LUZP2: variants seen among roughly 807,000 people sequenced by gnomAD.
LUZP2 encodes leucine zipper protein 2.
In LUZP2, 52 loss-of-function variants were observed where a neutral mutation model predicts 51.6. That is an observed-to-expected ratio of 1.01 (90% CI 0.81 to 1.27). LUZP2 has a LOEUF of 1.27. Ranked by LOEUF, LUZP2 falls within the 50% of genes most tolerant of loss-of-function variation. The pLI, the probability that LUZP2 is intolerant of heterozygous loss-of-function variation, is 0.00. For missense variants in LUZP2, 436 were observed against 395.4 expected (o/e 1.10, Z -0.87); for synonymous variants, 154 against 137.3 (o/e 1.12, Z -0.85).
intron 7 of LUZP2, among the ~76,000 whole-genome samples, chr11:24,927,292 G>C (rs1274340711): frequency 1.3e-5 from 2 of 151,880 alleles, no homozygotes; most frequent in Non-Finnish European, 2.9e-5. Context: ...CTTTGTTTTT[G>C]TTGCATTTGC....
intron 1 of LUZP2, among the ~76,000 whole-genome samples, chr11:24,700,729 G>A (rs1278561156): frequency 1.3e-5 from 2 of 152,100 alleles, no homozygotes; most frequent in Non-Finnish European, 2.9e-5. Context: ...TTTTATGAAA[G>A]AATGGGAGCT....
chr11:24,722,625 T>C (rs1303726729), intron 1 of LUZP2, among the ~76,000 whole-genome samples: 1 of 152,022 alleles, frequency 6.6e-6, no homozygotes, highest in African/African-American at 2.4e-5. Context: ...ATTAAGAGAT[T>C]GAAAATTCAG....
intron 1 of LUZP2, among the ~76,000 whole-genome samples, chr11:24,643,713 C>T (rs72880677): frequency 0.029 from 4,339 of 152,166 alleles, 92 homozygotes; most frequent in South Asian, 0.11. Context: ...TTAGTTGCAT[C>T]GTCTTTAATT....
chr11:24,800,473 A>G (rs903624330), intron 5 of LUZP2, among the ~76,000 whole-genome samples: 1 of 151,356 alleles, frequency 6.6e-6, no homozygotes, highest in Non-Finnish European at 1.5e-5. Context: ...CTATATAAGC[A>G]TGTTCAGAGA....
chr11:25,013,064 A>C (rs1190173101), intron 9 of LUZP2, among the ~76,000 whole-genome samples: 1 of 152,226 alleles, frequency 6.6e-6, no homozygotes, highest in Non-Finnish European at 1.5e-5. Context: ...AAATAACGTC[A>C]TTTTCAGCAA....
chr11:24,765,629 C>CTTTTTTTTTTTTTTTTTTT (rs762443498), intron 5 of LUZP2, among the ~76,000 whole-genome samples: 2 of 133,038 alleles, frequency 1.5e-5, no homozygotes, highest in African/African-American at 2.8e-5. Context: ...TTTCTTTTTT[C>CTTTTTTTTTTTTTTTTTTT]TTTTTTTTTT....
intron 10 of LUZP2, among the ~76,000 whole-genome samples, chr11:25,072,937 A>G (rs2028857): frequency 0.9 from 136,358 of 151,988 alleles, 62,214 homozygotes; most frequent in Non-Finnish European, 0.98. Flanking sequence ...GACCAGAGAG[A>G]CCTTGGGGTA....
In LUZP2 at chr11:24,576,578, A is replaced by G. The variant is rs868057048; in HGVS notation, c.62+79273A>G. ...GTAATCAACAAATTTGAGATTTTCT[A>G]AAGATTTGTTAAAGAAAAAACACGC... On this transcript the variant is annotated intron_variant, in intron 1 of 11. Coordinates refer to ENST00000336930, the MANE Select transcript of LUZP2 (RefSeq NM_001009909.4). Among the ~76,000 whole-genome samples, 146 of 149,990 alleles carry G rather than the reference A, an allele frequency of 9.7e-4. 1 individual carries two copies. The highest frequency in any genetic ancestry group is 3.5e-3 in the Middle Eastern group (1 of 286).
intron 1 of LUZP2, among the ~76,000 whole-genome samples, chr11:24,612,645 T>A (rs1854159026): frequency 6.6e-6 from 1 of 152,124 alleles, no homozygotes; most frequent in Non-Finnish European, 1.5e-5. Flanking sequence ...AATAGATGAT[T>A]AGCAGAATAT....
Position 24,923,221 on chromosome 11 carries a change from T to A in LUZP2, c.522+8683T>A, listed in dbSNP as rs545439928. On this transcript the variant is annotated intron_variant, in intron 7 of 11. Transcript: ENST00000336930. ...TTTTCCTAGCTTAATTTCTACTTTG[T>A]ATTTTAAGGTGATTTACAGATTATA... 2.0e-5 allele frequency among the ~76,000 whole-genome samples: 3 copies of A among 152,276 alleles called. No homozygotes were observed. The East Asian group carries it at 5.8e-4, about 29-fold the overall frequency.
At chr11:25,030,052 G>T (rs1166227423) in intron 9 of LUZP2, among the ~76,000 whole-genome samples, 1 of 152,074 alleles carries the variant, frequency 6.6e-6, no homozygotes, top group Admixed American at 6.6e-5. Flanking sequence ...CATTAGATGG[G>T]TATTCATGCA....
intron 5 of LUZP2, among the ~76,000 whole-genome samples, chr11:24,846,303 A>G (rs1170354219): frequency 1.3e-5 from 2 of 152,124 alleles, no homozygotes; most frequent in Admixed American, 1.3e-4. Flanking sequence ...CCATTGTCAG[A>G]AGCTAAACAT....
chr11:24,836,945 C>G (rs1042278424), intron 5 of LUZP2, among the ~76,000 whole-genome samples: 2 of 151,732 alleles, frequency 1.3e-5, no homozygotes, highest in African/African-American at 4.8e-5. Context: ...TCAAGTGGCT[C>G]AAGAGAAATA....
At chr11:24,497,364 C>T (rs1849858569) in intron 1 of LUZP2, 59 bp downstream of exon 1, 4 of 1,335,092 alleles carry the variant, frequency 3.0e-6, no homozygotes, top group Non-Finnish European at 4.0e-6. Flanking sequence ...GAGGTTGGTC[C>T]TACTGTGGGT....
intron 9 of LUZP2, among the ~76,000 whole-genome samples, chr11:25,007,285 C>G (rs185600713): frequency 6.6e-6 from 1 of 152,112 alleles, no homozygotes; most frequent in African/African-American, 2.4e-5. Flanking sequence ...CAACAAAGAA[C>G]CTGAAATCCT....
chr11:24,840,187 A>G (rs768094350), intron 5 of LUZP2, among the ~76,000 whole-genome samples: 3 of 151,778 alleles, frequency 2.0e-5, no homozygotes, highest in Non-Finnish European at 3.0e-5. Context: ...TTTAAACTCA[A>G]TTAATACCTT....
intron 5 of LUZP2, among the ~76,000 whole-genome samples, chr11:24,846,372 A>G (rs1851200394): frequency 6.6e-6 from 1 of 152,076 alleles, no homozygotes; most frequent in Non-Finnish European, 1.5e-5. Context: ...GAACTAAAAA[A>G]TTTTGAAAAC....
At position 24,570,975 on chromosome 11, in the gene LUZP2, G is replaced by A. The variant is rs376342081; in HGVS notation, c.62+73670G>A. Among the ~76,000 whole-genome samples the A allele has an allele frequency of 1.6e-4, 25 of 152,140 alleles. No homozygotes were observed. The East Asian group carries it at 3.3e-3, about 20-fold the overall frequency. On this transcript the variant is annotated intron_variant, in intron 1 of 11. Transcript: ENST00000336930. The stretch of plus-strand genomic sequence containing the variant: ...ATGTTCAAATATTGAAAAAGTTAAC[G>A]TGAAAGTAATAGAAGTTATTCAATG...
intron 8 of LUZP2, among the ~76,000 whole-genome samples, chr11:24,982,400 C>T (rs1037262842): frequency 6.6e-6 from 1 of 151,784 alleles, no homozygotes; most frequent in Non-Finnish European, 1.5e-5. Context: ...ATATGTGACA[C>T]ATATACACCA....
Sources: allele counts gnomAD v4.1 joint callset (sites outside exome capture counted in the v4.1 genomes callset), GRCh38; gene constraint gnomAD v4.1.1; transcripts MANE v1.5; gene names NCBI Gene and HGNC (gene_info 2026-07-23, HGNC 2026-07-21).